The following PITPNM2 variants were observed in gnomAD, a reference collection of about 807,000 sequenced individuals.
PITPNM2 encodes the protein membrane-associated phosphatidylinositol transfer protein 2.
PITPNM2 carries 35 observed loss-of-function variants against 132.2 expected under a neutral mutation model. The ratio of observed to expected loss-of-function variants is 0.26; its 90% confidence interval spans 0.20 to 0.35. PITPNM2 has a LOEUF of 0.35. Ranked by LOEUF, PITPNM2 falls within the 10% of genes least tolerant of loss-of-function variation. PITPNM2 has a pLI of 1.00. For missense variants in PITPNM2, 1,332 were observed against 1,912.0 expected (o/e 0.70, Z 5.66); for synonymous variants, 738 against 799.2 (o/e 0.92, Z 1.29).
chr12:123,136,811 C>T (rs1308355759), intron 1 of PITPNM2, among the ~76,000 whole-genome samples: 1 of 152,112 alleles, frequency 6.6e-6, no homozygotes, highest in East Asian at 1.9e-4. Context: ...GCAGAAGAAT[C>T]GCTTGAACTC....
intron 3 of PITPNM2, chr12:123,021,694 G>A (rs900278039): frequency 2.0e-6 from 2 of 985,178 alleles, no homozygotes; most frequent in African/African-American, 1.7e-5. Flanking sequence ...CAGCTATCAG[G>A]GTCCAAGAGG....
Position 123,004,443 on chromosome 12 carries a change from A to G in PITPNM2, c.999T>C (p.Ile333=). 1.2e-6 allele frequency: 2 copies of G among 1,614,012 alleles called. No individual in the cohort carries two copies. The highest frequency in any genetic ancestry group is 1.7e-6 in the Non-Finnish European group (2 of 1,180,034). Residue 333 remains isoleucine, a synonymous_variant, in exon 8 of 26, where the codon ATT becomes ATC. Coordinates refer to ENST00000320201, the MANE Select transcript of PITPNM2 (RefSeq NM_020845.3). This position sits in a 1 kb window ranked among gnomAD's most constrained non-coding sequence, Gnocchi z 4.9. ...CTGAGCTCTCATCCGAGTCCCTGGCAATACTCTGCATCCTCCACTCTGAGA... is the reference window on the plus strand; with the variant it reads ...CTGAGCTCTCATCCGAGTCCCTGGCGATACTCTGCATCCTCCACTCTGAGA... ...HSISEWRMQS[I]ARDSDESSDD...
intron 2 of PITPNM2, among the ~76,000 whole-genome samples, chr12:123,094,801 T>G (rs1285228624): frequency 1.3e-5 from 2 of 152,144 alleles, no homozygotes; most frequent in African/African-American, 4.8e-5. Flanking sequence ...ATCGAAGGCC[T>G]TGGACTGACC....
chr12:123,104,983 G>C (rs1369198725), intron 2 of PITPNM2, among the ~76,000 whole-genome samples: 1 of 152,096 alleles, frequency 6.6e-6, no homozygotes, highest in Non-Finnish European at 1.5e-5. Context: ...TCCTGATACA[G>C]CCTGCAAAGC....
intron 2 of PITPNM2, chr12:123,088,332 C>G (rs187180842): frequency 2.5e-4 from 38 of 152,220 alleles, no homozygotes; most frequent in African/African-American, 8.9e-4. Context: ...CCACCCCACA[C>G]CTCTCTCTTC....
At position 123,106,908 on chromosome 12, in the gene PITPNM2, T is replaced by A. The variant is rs2042728162; in HGVS notation, c.-96+3477A>T. ...GGACGGACAGGCCTGCATTCCCATG[T>A]GGGACTAGGGCTGCCTGAGAGGAGG... is the stretch of plus-strand genomic sequence containing the variant. On this transcript the variant is annotated intron_variant, in intron 2 of 25. Transcript: ENST00000320201. The surrounding 1 kb of genome is among the most constrained non-coding windows in gnomAD (Gnocchi z 4.4). 6.6e-6 allele frequency among the ~76,000 whole-genome samples: 1 copy of A among 152,212 alleles called. No individual in the cohort carries two copies. Among genetic ancestry groups the A allele is most frequent in the Non-Finnish European group, 1.5e-5 (1 of 68,020 alleles).
At chr12:123,137,098 C>T (rs1014302814) in intron 1 of PITPNM2, among the ~76,000 whole-genome samples, 1 of 152,170 alleles carries the variant, frequency 6.6e-6, no homozygotes, top group African/African-American at 2.4e-5. Context: ...ACTGACTTTC[C>T]GCTCTGAGCC....
intron 2 of PITPNM2, among the ~76,000 whole-genome samples, chr12:123,107,405 C>G (rs2042743374): frequency 6.6e-6 from 1 of 152,216 alleles, no homozygotes; most frequent in Non-Finnish European, 1.5e-5. Context: ...AGGCAGACCC[C>G]TACTGTGAAA....
chr12:123,115,510 T>C (rs1442852258), intron 1 of PITPNM2, among the ~76,000 whole-genome samples: 1 of 151,532 alleles, frequency 6.6e-6, no homozygotes, highest in African/African-American at 2.4e-5. Context: ...CATGCAGAAG[T>C]TGATGGAGGG....
At chr12:122,988,005 G>A in intron 20 of PITPNM2, 104 bp from the exon 21 acceptor site, 1 of 1,086,460 alleles carries the variant, frequency 9.2e-7, no homozygotes, top group Admixed American at 2.1e-5. Flanking sequence ...TGAGCTGTGA[G>A]CTGCGCAGCC....
rs945602605 is a variant in PITPNM2, at chr12:123,058,568, G to T, written c.-95-23883C>A. Among the ~76,000 whole-genome samples, 3 of 152,124 alleles carry T rather than the reference G, an allele frequency of 2.0e-5. No homozygotes were observed. The highest frequency in any genetic ancestry group is 7.2e-5 in the African/African-American group (3 of 41,424). The stretch of plus-strand genomic sequence containing the variant: ...TCTCTCACTCCACCATTCACCTGCT[G>T]TTCCCTGCTGTCATTCTTGTTGTTC... On this transcript the variant is annotated intron_variant, in intron 2 of 25. Transcript: ENST00000320201. The surrounding 1 kb of genome is among the most constrained non-coding windows in gnomAD (Gnocchi z 4.0).
chr12:123,012,898 C>T (rs933072653), intron 4 of PITPNM2, among the ~76,000 whole-genome samples, 164 bp from the exon 5 acceptor site: 1 of 152,138 alleles, frequency 6.6e-6, no homozygotes, highest in Admixed American at 6.5e-5. Context: ...CTTGGATCGC[C>T]ACTTTGTCCC....
At chr12:123,151,758 G>C (rs1234569338), upstream of PITPNM2, among the ~76,000 whole-genome samples, 1 of 152,240 alleles carries the variant, frequency 6.6e-6, no homozygotes, top group African/African-American at 2.4e-5. Flanking sequence ...TTAAAAACAT[G>C]AGGTGTTTGT....
intron 3 of PITPNM2, among the ~76,000 whole-genome samples, chr12:123,025,094 T>A (rs1323599681): frequency 1.3e-5 from 2 of 152,202 alleles, no homozygotes; most frequent in African/African-American, 4.8e-5. Context: ...GTTTTCTGCT[T>A]ATGCAGGAAA....
At chr12:123,118,849 G>A (rs1196235722) in intron 1 of PITPNM2, among the ~76,000 whole-genome samples, 1 of 152,208 alleles carries the variant, frequency 6.6e-6, no homozygotes, top group East Asian at 1.9e-4. Context: ...TACCACTGAT[G>A]GGTTGTTTAG....
intron 2 of PITPNM2, among the ~76,000 whole-genome samples, chr12:123,068,582 G>A (rs2041521939): frequency 6.6e-6 from 1 of 152,218 alleles, no homozygotes; most frequent in Non-Finnish European, 1.5e-5. Context: ...AATCAGAAAT[G>A]CTTGAAGCGA....
chr12:122,996,070 C>A (rs573518788), intron 13 of PITPNM2, among the ~76,000 whole-genome samples: 1 of 152,320 alleles, frequency 6.6e-6, no homozygotes, highest in South Asian at 2.1e-4. Context: ...CAACCTTTGC[C>A]CTTCCCATCC....
rs143797376 is a variant in PITPNM2 at position 123,009,051 on chromosome 12, C to A, written c.643+799G>T. ...CTCCTGCATAAGTGGAGTGACAATGCCTACCCTCATGGGTTATCGTAAGCT... is the reference window on the plus strand; with the variant it reads ...CTCCTGCATAAGTGGAGTGACAATGACTACCCTCATGGGTTATCGTAAGCT... On this transcript the variant is annotated intron_variant, in intron 6 of 25. Coordinates refer to ENST00000320201, the MANE Select transcript of PITPNM2 (RefSeq NM_020845.3). This position sits in a 1 kb window ranked among gnomAD's most constrained non-coding sequence, Gnocchi z 4.8. Among the ~76,000 whole-genome samples, 1 of 152,206 alleles carries A rather than the reference C, an allele frequency of 6.6e-6. No individual in the cohort carries two copies. The highest frequency in any genetic ancestry group is 1.5e-5 in the Non-Finnish European group (1 of 68,034).
rs531594708 is a variant in PITPNM2, at chr12:123,008,371, C to T, written c.643+1479G>A. On this transcript the variant is annotated intron_variant, in intron 6 of 25. Transcript: ENST00000320201. The surrounding 1 kb of genome is among the most constrained non-coding windows in gnomAD (Gnocchi z 4.1). ...GAGAAGCCTTGAGGAGAGGGTGGGA[C>T]GAGTCACCAGCGCTGATGTGTTCAG... Among the ~76,000 whole-genome samples the T allele has an allele frequency of 5.3e-5, 8 of 152,150 alleles. No individual in the cohort carries two copies. The highest frequency in any genetic ancestry group is 1.4e-4 in the African/African-American group (6 of 41,422).
Sources: allele counts gnomAD v4.1 joint callset (sites outside exome capture counted in the v4.1 genomes callset), GRCh38; gene constraint gnomAD v4.1.1; non-coding constraint Gnocchi (gnomAD v3.1); transcripts MANE v1.5; gene names NCBI Gene and HGNC (gene_info 2026-07-23, HGNC 2026-07-21).